The following ADARB2 variants were observed in gnomAD, a reference collection of about 807,000 sequenced individuals.
ADARB2 encodes inactive double-stranded RNA-specific editase B2.
Under a neutral mutation model 62.2 loss-of-function variants are expected in ADARB2, and 25 were observed. The ratio of observed to expected loss-of-function variants is 0.40; its 90% confidence interval spans 0.29 to 0.56. ADARB2 has a LOEUF of 0.56. ADARB2 is among the 20% of genes least tolerant of loss of function. The pLI is 0.43. For missense variants in ADARB2, 1,071 were observed against 1,077.4 expected, an observed-to-expected ratio of 0.99 and a Z score of 0.08; for synonymous variants, 572 against 500.8, an observed-to-expected ratio of 1.14 and a Z score of -1.90.
intron 1 of ADARB2, among the ~76,000 whole-genome samples, chr10:1,558,677 C>T (rs1832745853): frequency 7.4e-6 from 1 of 134,926 alleles, no homozygotes; most frequent in Non-Finnish European, 1.6e-5. Flanking sequence ...CATGCCCCAT[C>T]TAAATCCACA....
chr10:1,721,462 T>C (rs1363433275), intron 1 of ADARB2, among the ~76,000 whole-genome samples: 1 of 152,178 alleles, frequency 6.6e-6, no homozygotes, highest in African/African-American at 2.4e-5. Flanking sequence ...TTATACTGAA[T>C]TAGGTGGGCT....
chr10:1,194,318 G>A (rs1836878597), intron 8 of ADARB2, among the ~76,000 whole-genome samples: 1 of 152,220 alleles, frequency 6.6e-6, no homozygotes, highest in Non-Finnish European at 1.5e-5. Context: ...GTTCTGTGAA[G>A]AGAAATAAAT....
Position 1,494,943 on chromosome 10 carries a change from A to C in ADARB2, c.101-115783T>G, listed in dbSNP as rs535463203. On this transcript the variant is annotated intron_variant, in intron 1 of 9. Transcript: ENST00000381312. Reference sequence around the variant, plus strand: ...AATCTGGAGCTATCTCTTGCTAAAAACATAAAAGATTTAAAGATTTTTCTA... The same window carrying C: ...AATCTGGAGCTATCTCTTGCTAAAACCATAAAAGATTTAAAGATTTTTCTA... Among the ~76,000 whole-genome samples, 6 of 152,316 alleles carry C rather than the reference A, an allele frequency of 3.9e-5. 1 individual carries two copies. In the South Asian group the frequency reaches 1.2e-3, roughly 32 times the overall value.
chr10:1,245,912 T>C (rs988510315), intron 4 of ADARB2, among the ~76,000 whole-genome samples: 3 of 151,710 alleles, frequency 2.0e-5, no homozygotes, highest in African/African-American at 7.3e-5. Context: ...GGAATCACCA[T>C]ACTGACTTCC....
intron 3 of ADARB2, among the ~76,000 whole-genome samples, chr10:1,314,945 A>G (rs1250571081): frequency 1.3e-5 from 2 of 152,188 alleles, no homozygotes; most frequent in African/African-American, 4.8e-5. Flanking sequence ...TAATGGGAAC[A>G]GGGAAGTTCA....
chr10:1,571,297 T>TTTTA (rs1218065293), intron 1 of ADARB2, among the ~76,000 whole-genome samples: 5 of 151,222 alleles, frequency 3.3e-5, no homozygotes, highest in African/African-American at 1.2e-4. Flanking sequence ...TTTTTTTTTT[T>TTTTA]AAAAAAAGCC....
intron 1 of ADARB2, among the ~76,000 whole-genome samples, chr10:1,657,001 T>TTC (rs148189638): frequency 2.7e-5 from 4 of 148,712 alleles, no homozygotes; most frequent in Admixed American, 1.3e-4. Flanking sequence ...ATCTAGTGTT[T>TTC]TGTGTGTGTG....
intron 1 of ADARB2, among the ~76,000 whole-genome samples, chr10:1,631,821 T>C (rs1246486674): frequency 6.6e-6 from 1 of 152,256 alleles, no homozygotes; most frequent in Non-Finnish European, 1.5e-5. Context: ...GTGAGAATTT[T>C]ATCAGATTAT....
intron 3 of ADARB2, among the ~76,000 whole-genome samples, chr10:1,358,801 A>C (rs1832221365): frequency 6.6e-6 from 1 of 152,212 alleles, no homozygotes; most frequent in Admixed American, 6.5e-5. Context: ...TAAAAAACAA[A>C]GAAATAAAGG....
intron 1 of ADARB2, among the ~76,000 whole-genome samples, chr10:1,515,257 C>G (rs949608408): frequency 2.0e-5 from 3 of 152,322 alleles, no homozygotes; most frequent in Non-Finnish European, 2.9e-5. Context: ...CAGGGGCAGG[C>G]GGGCACACAG....
intron 7 of ADARB2, among the ~76,000 whole-genome samples, chr10:1,208,398 A>C (rs1428743060): frequency 1.3e-5 from 2 of 152,090 alleles, no homozygotes; most frequent in Non-Finnish European, 2.9e-5. Flanking sequence ...CCTGTCCTCC[A>C]AGCACCCACT....
At chr10:1,280,253 G>A (rs1831358124) in intron 3 of ADARB2, among the ~76,000 whole-genome samples, 1 of 152,138 alleles carries the variant, frequency 6.6e-6, no homozygotes, top group Non-Finnish European at 1.5e-5. Context: ...ATGAATTTCG[G>A]GGGACACAAA....
At chr10:1,245,322 T>G (rs1380027020) in intron 4 of ADARB2, among the ~76,000 whole-genome samples, 1 of 151,414 alleles carries the variant, frequency 6.6e-6, no homozygotes, top group Admixed American at 6.6e-5. Flanking sequence ...TATTTACTTA[T>G]TTTTTGTTTT....
intron 1 of ADARB2, among the ~76,000 whole-genome samples, chr10:1,480,479 A>G (rs1831453134): frequency 1.3e-5 from 2 of 152,220 alleles, no homozygotes; most frequent in Admixed American, 1.3e-4. Context: ...CGGGCGGGTC[A>G]CTAGGTCAGG....
At chr10:1,638,636 C>T (rs994215086) in intron 1 of ADARB2, among the ~76,000 whole-genome samples, 5 of 152,074 alleles carry the variant, frequency 3.3e-5, no homozygotes, top group East Asian at 1.9e-4. Context: ...TACAACAAGC[C>T]GATGAGGCAG....
At chr10:1,635,272 A>T (rs1833905563) in intron 1 of ADARB2, among the ~76,000 whole-genome samples, 1 of 152,178 alleles carries the variant, frequency 6.6e-6, no homozygotes, top group South Asian at 2.1e-4. Flanking sequence ...TCCCATGTTA[A>T]TTTATTCAAT....
At chr10:1,414,866 G>T (rs1283094867) in intron 1 of ADARB2, among the ~76,000 whole-genome samples, 1 of 152,184 alleles carries the variant, frequency 6.6e-6, no homozygotes, top group Non-Finnish European at 1.5e-5. Flanking sequence ...GATGGGGGCT[G>T]GATGAGTGGC....
intron 7 of ADARB2, 74 bp from the exon 8 acceptor site, chr10:1,200,221 G>C (rs971960564): frequency 6.5e-7 from 1 of 1,539,124 alleles, no homozygotes; most frequent in Non-Finnish European, 8.8e-7. Flanking sequence ...GTCCGTCTGC[G>C]GCCTGGTCCT....
intron 1 of ADARB2, among the ~76,000 whole-genome samples, chr10:1,582,023 A>C (rs931130509): frequency 6.6e-6 from 1 of 152,204 alleles, no homozygotes; most frequent in Admixed American, 6.5e-5. Context: ...GAGCTGCATA[A>C]ACAGCACTTG....
Sources: allele counts gnomAD v4.1 joint callset (sites outside exome capture counted in the v4.1 genomes callset), GRCh38; gene constraint gnomAD v4.1.1; transcripts MANE v1.5; gene names NCBI Gene and HGNC (gene_info 2026-07-23, HGNC 2026-07-21).